ZNF804B: variants seen among roughly 807,000 people sequenced by gnomAD.
ZNF804B encodes zinc finger 804B.
A neutral mutation model predicts 101.4 loss-of-function variants in ZNF804B; 80 were observed. The ratio of observed to expected loss-of-function variants is 0.79; its 90% CI spans 0.66 to 0.95. ZNF804B has a LOEUF of 0.95. Among genes scored for constraint, ZNF804B ranks in the 40% least tolerant of loss-of-function variants. The pLI, the probability that ZNF804B is intolerant of heterozygous loss-of-function variation, is 0.00. For synonymous variants in ZNF804B, 622 were observed against 558.8 expected, an observed-to-expected ratio of 1.11 and a Z score of -1.59; for missense variants, 1,673 against 1,561.9, an observed-to-expected ratio of 1.07 and a Z score of -1.20.
chr7:89,012,330 T>C (rs969407848), intron 1 of ZNF804B, among the ~76,000 whole-genome samples: 3 of 152,198 alleles, frequency 2.0e-5, no homozygotes, highest in African/African-American at 7.2e-5. Flanking sequence ...TTCCCCATTG[T>C]CTTGGTGATC....
At chr7:88,909,054 A>G (rs913046959) in intron 1 of ZNF804B, among the ~76,000 whole-genome samples, 11 of 151,778 alleles carry the variant, frequency 7.2e-5, no homozygotes, top group Non-Finnish European at 1.6e-4. Context: ...GAAAAAATCA[A>G]TCTTTATTTT....
intron 1 of ZNF804B, among the ~76,000 whole-genome samples, chr7:89,100,372 A>G (rs1790036498): frequency 6.6e-6 from 1 of 152,194 alleles, no homozygotes; most frequent in African/African-American, 2.4e-5. Context: ...ACAATAAATC[A>G]TTGGAGAACT....
At chr7:88,794,325 G>T in intron 1 of ZNF804B, 1 of 1,613,908 alleles carries the variant, frequency 6.2e-7, no homozygotes, top group Non-Finnish European at 8.5e-7. Flanking sequence ...GGAGGAGTAG[G>T]TCAGGTGCAA....
At chr7:89,127,530 G>T (rs1790491956) in intron 1 of ZNF804B, among the ~76,000 whole-genome samples, 1 of 151,668 alleles carries the variant, frequency 6.6e-6, no homozygotes, top group African/African-American at 2.4e-5. Context: ...GTATGTCTTT[G>T]CACTCAATTT....
chr7:88,845,297 G>GCACACACACACACA (rs200482259), intron 1 of ZNF804B, among the ~76,000 whole-genome samples: 57 of 119,888 alleles, frequency 4.8e-4, no homozygotes, highest in African/African-American at 1.6e-3. Context: ...GCGCGCACGC[G>GCACACACACACACA]CGCGCACACA....
intron 1 of ZNF804B, among the ~76,000 whole-genome samples, chr7:88,764,156 C>T (rs948661068): frequency 3.9e-4 from 59 of 152,030 alleles, no homozygotes; most frequent in African/African-American, 1.4e-3. Flanking sequence ...AGTTTATATT[C>T]GAATGTAGTG....
At chr7:88,968,310 G>A (rs1309717132) in intron 1 of ZNF804B, among the ~76,000 whole-genome samples, 2 of 151,494 alleles carry the variant, frequency 1.3e-5, no homozygotes, top group African/African-American at 4.8e-5. Context: ...AGAAATTAGT[G>A]CACATGTTGT....
chr7:88,884,427 A>G (rs975287924), intron 1 of ZNF804B, among the ~76,000 whole-genome samples: 8 of 151,634 alleles, frequency 5.3e-5, no homozygotes, highest in African/African-American at 1.7e-4. Flanking sequence ...CTTTATATCT[A>G]TATATCTATT....
chr7:88,808,246 G>T (rs1226025966), intron 1 of ZNF804B, among the ~76,000 whole-genome samples: 1 of 152,018 alleles, frequency 6.6e-6, no homozygotes, highest in Non-Finnish European at 1.5e-5. Context: ...GCCAGGCATG[G>T]TGGCATGCGC....
chr7:88,989,738 A>G (rs559322360), intron 1 of ZNF804B, among the ~76,000 whole-genome samples: 1 of 152,264 alleles, frequency 6.6e-6, no homozygotes, highest in South Asian at 2.1e-4. Context: ...CCTGTCATGT[A>G]CCATTATAAA....
chr7:89,095,771 A>G (rs1789963508), intron 1 of ZNF804B, among the ~76,000 whole-genome samples: 1 of 152,122 alleles, frequency 6.6e-6, no homozygotes, highest in Admixed American at 6.6e-5. Context: ...AAGTTTTTAA[A>G]CTCTTTAAAA....
At position 88,848,541 on chromosome 7, in the gene ZNF804B, T is replaced by TAA. The variant is rs538941123; in HGVS notation, c.108+88460_108+88461dup. Among the ~76,000 whole-genome samples the TAA allele has an allele frequency of 2.0e-3, 297 of 151,672 alleles. 3 individuals carry two copies. The highest frequency in any genetic ancestry group is 1.5e-3 in the Non-Finnish European group (100 of 67,962). ...CAGGGAAGAAACCTTTTTGCAGATG[T>TAA]AAAACCTGAAGAAACTGTGAAATCT... On this transcript the variant is annotated intron_variant, in intron 1 of 3. Transcript: ENST00000333190.
chr7:89,024,661 G>GAA (rs67321242), intron 1 of ZNF804B, among the ~76,000 whole-genome samples: 1 of 70,120 alleles, frequency 1.4e-5, no homozygotes, highest in African/African-American at 6.1e-5. Flanking sequence ...TATCATTCTT[G>GAA]AAAAAAAAAA....
chr7:89,238,160 G>A (rs1055656267), intron 2 of ZNF804B, among the ~76,000 whole-genome samples: 2 of 152,130 alleles, frequency 1.3e-5, no homozygotes, highest in Non-Finnish European at 2.9e-5. Flanking sequence ...ACATGGAAAG[G>A]AGGAGGGGCA....
chr7:89,119,369 A>G (rs1264781911), intron 1 of ZNF804B, among the ~76,000 whole-genome samples: 2 of 152,348 alleles, frequency 1.3e-5, no homozygotes, highest in Admixed American at 6.5e-5. Context: ...ATCACCTTCA[A>G]GATAAAAATG....
At chr7:89,221,468 A>G (rs1236420329) in intron 2 of ZNF804B, among the ~76,000 whole-genome samples, 1 of 141,010 alleles carries the variant, frequency 7.1e-6, no homozygotes, top group Middle Eastern at 3.5e-3. Flanking sequence ...CATTCTTGTC[A>G]GTGGGAATAG....
intron 1 of ZNF804B, among the ~76,000 whole-genome samples, chr7:88,864,542 CT>C (rs1426409775): frequency 1.3e-5 from 2 of 152,192 alleles, no homozygotes; most frequent in Non-Finnish European, 2.9e-5. Context: ...AAATCCACCC[CT>C]AGAGGAGTAT....
At chr7:88,895,973 A>G (rs1792277658) in intron 1 of ZNF804B, among the ~76,000 whole-genome samples, 1 of 152,220 alleles carries the variant, frequency 6.6e-6, no homozygotes, top group African/African-American at 2.4e-5. Context: ...ATAACTCCTT[A>G]CTGCTTATGT....
chr7:88,887,635 T>C (rs1445708274), intron 1 of ZNF804B, among the ~76,000 whole-genome samples: 1 of 152,098 alleles, frequency 6.6e-6, no homozygotes, highest in Admixed American at 6.6e-5. Context: ...TAAACCACTT[T>C]TTAAAAAATA....
Sources: gnomAD v4.1 joint callset for allele counts (sites outside exome capture counted in the v4.1 genomes callset) on GRCh38, gnomAD v4.1.1 for gene constraint, MANE v1.5 for transcripts, NCBI Gene and HGNC (gene_info 2026-07-23, HGNC 2026-07-21) for gene names.